Variants in LEKR1 observed in about 807,000 individuals in gnomAD.
LEKR1 encodes the protein leucine, glutamate and lysine rich 1.
A neutral mutation model predicts 72.4 loss-of-function variants in LEKR1; 59 were observed. That is an observed-to-expected ratio of 0.82 (90% CI 0.66 to 1.01). The LOEUF (loss-of-function observed/expected upper bound fraction) is 1.01. Ranked by LOEUF, LEKR1 falls within the 50% of genes least tolerant of loss-of-function variation. The pLI is 0.00. For synonymous variants in LEKR1, 257 were observed against 263.2 expected, an observed-to-expected ratio of 0.98 and a Z score of 0.23; for missense variants, 728 against 759.2, an observed-to-expected ratio of 0.96 and a Z score of 0.48.
At chr3:157,006,846 G>A (rs1732476043) in intron 9 of LEKR1, among the ~76,000 whole-genome samples, 2 of 145,374 alleles carry the variant, frequency 1.4e-5, no homozygotes, top group South Asian at 2.5e-4. Context: ...AAATGCAGAC[G>A]AATCTATAGT....
intron 2 of LEKR1, among the ~76,000 whole-genome samples, chr3:156,845,532 CTT>C (rs910190791): frequency 1.4e-5 from 2 of 147,736 alleles, no homozygotes; most frequent in Non-Finnish European, 3.0e-5. Context: ...GTTGAGGTTC[CTT>C]TTTTAAAAAA....
chr3:156,932,901 G>A (rs1022564858), intron 5 of LEKR1, among the ~76,000 whole-genome samples: 5 of 151,904 alleles, frequency 3.3e-5, no homozygotes, highest in African/African-American at 9.7e-5. Context: ...GTGGTGGCGG[G>A]CACCTGTAGT....
chr3:156,997,001 G>C (rs906330501), intron 9 of LEKR1, among the ~76,000 whole-genome samples: 1 of 151,772 alleles, frequency 6.6e-6, no homozygotes, highest in Non-Finnish European at 1.5e-5. Context: ...GGAGGCGGAG[G>C]TTGCAGTGAG....
At chr3:156,864,408 G>T (rs1185816764) in intron 3 of LEKR1, among the ~76,000 whole-genome samples, 1 of 151,892 alleles carries the variant, frequency 6.6e-6, no homozygotes, top group Non-Finnish European at 1.5e-5. Flanking sequence ...TCGTTTTATG[G>T]TATTTTCATC....
chr3:156,883,687 TC>T (rs982382166), intron 3 of LEKR1, among the ~76,000 whole-genome samples: 106 of 152,328 alleles, frequency 7.0e-4, no homozygotes, highest in African/African-American at 2.4e-3. Context: ...TGCTTGGCTC[TC>T]ATTCTCTCTT....
chr3:156,865,382 G>T (rs1347107791), intron 3 of LEKR1, among the ~76,000 whole-genome samples: 2 of 151,888 alleles, frequency 1.3e-5, no homozygotes, highest in African/African-American at 4.8e-5. Context: ...TATTAAATGG[G>T]GGTGTGTGAG....
At chr3:156,836,537 A>T (rs752514470) in intron 2 of LEKR1, among the ~76,000 whole-genome samples, 2 of 152,248 alleles carry the variant, frequency 1.3e-5, no homozygotes, top group Non-Finnish European at 2.9e-5. Context: ...TTCGTTAAAG[A>T]AATCCTTTTA....
At chr3:156,990,365 A>G (rs186190618) in intron 7 of LEKR1, among the ~76,000 whole-genome samples, 114 of 152,286 alleles carry the variant, frequency 7.5e-4, no homozygotes, top group African/African-American at 2.6e-3. Flanking sequence ...ATTTTTCTGC[A>G]TAATTACTGG....
At chr3:157,030,428 T>C (rs75934627) in intron 12 of LEKR1, among the ~76,000 whole-genome samples, 2 of 152,118 alleles carry the variant, frequency 1.3e-5, no homozygotes, top group Non-Finnish European at 2.9e-5. Flanking sequence ...GACTGACAAC[T>C]GCCACTTCCT....
At chr3:156,883,611 A>G (rs568206823) in intron 3 of LEKR1, among the ~76,000 whole-genome samples, 40 of 152,288 alleles carry the variant, frequency 2.6e-4, no homozygotes, top group African/African-American at 9.1e-4. Context: ...AGTTTCCCCC[A>G]TACTGTTCTC....
chr3:156,829,429 C>A lies in LEKR1; in HGVS notation c.48+52C>A, dbSNP rs561297790. The A allele has an allele frequency of 1.5e-5, 20 of 1,309,438 alleles. No individual in the cohort carries two copies. In the African/African-American group the frequency reaches 2.5e-4, roughly 16 times the overall value. The allele number at this position is 1,309,438 out of a possible 1,614,324, so 81.1% of individuals were successfully genotyped here. ...TAACAGTGGGAACATGTAGCAGTTA[C>A]ATAATTCTAAAACCTAGAGGAGTGA... On this transcript the variant is annotated intron_variant, in intron 2 of 12. Transcript: ENST00000356539.
intron 5 of LEKR1, among the ~76,000 whole-genome samples, chr3:156,929,599 C>T (rs1033273180): frequency 2.6e-5 from 4 of 152,022 alleles, no homozygotes; most frequent in East Asian, 1.9e-4. Flanking sequence ...ATCTGATTCA[C>T]GGGATTATGT....
intron 4 of LEKR1, among the ~76,000 whole-genome samples, chr3:156,923,436 G>A (rs918018199): frequency 1.3e-5 from 2 of 152,162 alleles, no homozygotes; most frequent in Non-Finnish European, 2.9e-5. Flanking sequence ...ACAATATGTT[G>A]TCTTTACATC....
chr3:156,838,136 T>C (rs564136583), intron 2 of LEKR1, among the ~76,000 whole-genome samples: 1 of 152,142 alleles, frequency 6.6e-6, no homozygotes, highest in Non-Finnish European at 1.5e-5. Flanking sequence ...TTTGATCCAC[T>C]CAAAGTGGGG....
At chr3:156,838,645 C>T (rs1713477850) in intron 2 of LEKR1, among the ~76,000 whole-genome samples, 1 of 152,200 alleles carries the variant, frequency 6.6e-6, no homozygotes, top group African/African-American at 2.4e-5. Context: ...GGAAGGATGT[C>T]TTTCTCCACT....
intron 12 of LEKR1, among the ~76,000 whole-genome samples, chr3:157,036,494 G>A (rs376832038): frequency 6.6e-6 from 1 of 152,132 alleles, no homozygotes; most frequent in African/African-American, 2.4e-5. Context: ...AATCCGTCAA[G>A]CATCAAACGC....
intron 6 of LEKR1, among the ~76,000 whole-genome samples, chr3:156,947,686 T>C (rs937809760): frequency 4.6e-5 from 7 of 151,120 alleles, no homozygotes; most frequent in African/African-American, 1.7e-4. Context: ...AAAAATCATA[T>C]TGAACCATAA....
chr3:156,885,261 C>T (rs1719930232), intron 3 of LEKR1, among the ~76,000 whole-genome samples: 1 of 152,118 alleles, frequency 6.6e-6, no homozygotes, highest in Non-Finnish European at 1.5e-5. Flanking sequence ...TAATAATCAT[C>T]CTTCTGAATT....
intron 7 of LEKR1, among the ~76,000 whole-genome samples, chr3:156,981,698 G>T (rs1730217753): frequency 6.6e-6 from 1 of 152,248 alleles, no homozygotes; most frequent in African/African-American, 2.4e-5. Context: ...GCCTGGGACT[G>T]CTTAAAGCCT....
Sources: allele counts gnomAD v4.1 joint callset (sites outside exome capture counted in the v4.1 genomes callset), GRCh38; gene constraint gnomAD v4.1.1; transcripts MANE v1.5; gene names NCBI Gene and HGNC (gene_info 2026-07-23, HGNC 2026-07-21).